Variants in HECW1 observed in about 807,000 individuals in gnomAD.
HECW1 encodes HECT, C2 and WW domain containing E3 ubiquitin protein ligase 1.
In HECW1, 61 loss-of-function variants were observed where a neutral mutation model predicts 182.3. The ratio of observed to expected loss-of-function variants is 0.33; its 90% CI spans 0.27 to 0.41. The LOEUF (loss-of-function observed/expected upper bound fraction) is 0.41. Ranked by LOEUF, HECW1 falls within the 10% of genes least tolerant of loss-of-function variation. The pLI is 1.00. For synonymous variants in HECW1, 859 were observed against 832.6 expected, an observed-to-expected ratio of 1.03 and a Z score of -0.55; for missense variants, 1,739 against 2,108.9, an observed-to-expected ratio of 0.82 and a Z score of 3.44.
At chr7:43,118,134 G>A (rs1785226488) in intron 2 of HECW1, 1 of 152,328 alleles carries the variant, frequency 6.6e-6, no homozygotes, top group Non-Finnish European at 1.5e-5. Flanking sequence ...TTCATTCGGG[G>A]TCCCTTTTAT....
intron 6 of HECW1, among the ~76,000 whole-genome samples, chr7:43,391,546 G>C (rs10253699): frequency 0.27 from 40,752 of 152,110 alleles, 5,623 homozygotes; most frequent in South Asian, 0.41. Flanking sequence ...GCTTTCCCCA[G>C]CCCCTTTGTT....
chr7:43,504,009 C>T (rs79652535), intron 21 of HECW1, among the ~76,000 whole-genome samples: 1,829 of 152,198 alleles, frequency 0.012, 19 homozygotes, highest in Non-Finnish European at 0.02. Context: ...CCCAGGTAGG[C>T]GGGGCCCCAA....
intron 2 of HECW1, among the ~76,000 whole-genome samples, chr7:43,129,928 G>A (rs934793923): frequency 5.3e-5 from 8 of 152,202 alleles, no homozygotes; most frequent in Admixed American, 3.9e-4. Context: ...TATTGTTTAG[G>A]GAGTAATGAC....
intron 5 of HECW1, among the ~76,000 whole-genome samples, chr7:43,343,622 T>C (rs1043721011): frequency 6.6e-6 from 1 of 151,818 alleles, no homozygotes. Flanking sequence ...CTGCATAGTA[T>C]TCCATGGTGT....
At chr7:43,248,149 GAAGA>G (rs1162616777) in intron 3 of HECW1, among the ~76,000 whole-genome samples, 1 of 152,026 alleles carries the variant, frequency 6.6e-6, no homozygotes, top group East Asian at 1.9e-4. Flanking sequence ...AGAGAAAGAA[GAAGA>G]AAGAGAGAGG....
intron 8 of HECW1, among the ~76,000 whole-genome samples, chr7:43,409,262 A>G (rs1274339768): frequency 6.6e-6 from 1 of 152,240 alleles, no homozygotes. Context: ...AAACACTGAT[A>G]GCACCGCTAG....
At chr7:43,123,425 T>G (rs1161901287) in intron 2 of HECW1, among the ~76,000 whole-genome samples, 1 of 152,314 alleles carries the variant, frequency 6.6e-6, no homozygotes, top group East Asian at 1.9e-4. Flanking sequence ...GAGAGACCAC[T>G]GCTGTAGGAA....
chr7:43,514,041 G>A (rs10241614), intron 24 of HECW1, among the ~76,000 whole-genome samples: 40,146 of 152,012 alleles, frequency 0.26, 5,364 homozygotes, highest in South Asian at 0.34. Context: ...ACCCAACCAT[G>A]AACCAGAGGA....
At chr7:43,350,521 A>G (rs1814294431) in intron 5 of HECW1, among the ~76,000 whole-genome samples, 1 of 152,058 alleles carries the variant, frequency 6.6e-6, no homozygotes, top group African/African-American at 2.4e-5. Flanking sequence ...TGGTCATTTA[A>G]CATAATCCCA....
chr7:43,393,255 G>A (rs1482330509), intron 6 of HECW1, among the ~76,000 whole-genome samples: 2 of 152,172 alleles, frequency 1.3e-5, no homozygotes, highest in Non-Finnish European at 2.9e-5. Context: ...ACAGAGCAAA[G>A]GGAGCTTGTC....
chr7:43,115,087 C>T (rs1247497824), intron 2 of HECW1, among the ~76,000 whole-genome samples: 2 of 152,164 alleles, frequency 1.3e-5, no homozygotes, highest in East Asian at 1.9e-4. Context: ...TGGTTTCTAT[C>T]GTTCTTTCTA....
intron 3 of HECW1, among the ~76,000 whole-genome samples, chr7:43,269,818 A>G (rs1802187536): frequency 1.3e-5 from 2 of 152,170 alleles, no homozygotes; most frequent in South Asian, 4.1e-4. Flanking sequence ...ACAATTGGCA[A>G]TGTCTGGAGG....
intron 2 of HECW1, among the ~76,000 whole-genome samples, chr7:43,220,952 C>T (rs1456706883): frequency 1.3e-5 from 2 of 152,178 alleles, no homozygotes; most frequent in African/African-American, 4.8e-5. Context: ...AGAAGGAAGC[C>T]ATTAGAAATG....
At chr7:43,437,981 G>A in intron 8 of HECW1, 22 bp from the exon 9 acceptor site, 1 of 1,612,850 alleles carries the variant, frequency 6.2e-7, no homozygotes, top group Non-Finnish European at 8.5e-7. Flanking sequence ...GTTAATTGAT[G>A]TGACATATTC....
chr7:43,228,322 C>T (rs1259712950), intron 2 of HECW1, among the ~76,000 whole-genome samples: 1 of 140,640 alleles, frequency 7.1e-6, no homozygotes, highest in Non-Finnish European at 1.5e-5. Flanking sequence ...CTCATCTCTA[C>T]AAAATCAAAA....
intron 2 of HECW1, among the ~76,000 whole-genome samples, chr7:43,168,259 T>C (rs1791328157): frequency 2.0e-5 from 3 of 152,176 alleles, no homozygotes; most frequent in Admixed American, 2.0e-4. Context: ...ATGTTCAGCC[T>C]GTGTGAGAGA....
At chr7:43,286,683 C>CA (rs534418965) in intron 3 of HECW1, among the ~76,000 whole-genome samples, 80 of 152,192 alleles carry the variant, frequency 5.3e-4, no homozygotes, top group African/African-American at 1.9e-3. Context: ...CCCACCCCCC[C>CA]AAAGGTGTTT....
rs532717307 is a variant in HECW1, at chr7:43,371,024, A to G, written c.555+10044A>G. On this transcript the variant is annotated intron_variant, in intron 6 of 29. Transcript: ENST00000395891. Reference sequence around the variant, plus strand: ...TGCCTCAGCCTCCCGAGTAGCTGGGACTACAGGTGCCCGCCACCACGTCTG... The same window carrying G: ...TGCCTCAGCCTCCCGAGTAGCTGGGGCTACAGGTGCCCGCCACCACGTCTG... Among the ~76,000 whole-genome samples, 9 of 151,612 alleles carry G rather than the reference A, an allele frequency of 5.9e-5. No homozygotes were observed. The East Asian group carries it at 1.4e-3, about 23-fold the overall frequency.
intron 2 of HECW1, among the ~76,000 whole-genome samples, chr7:43,185,048 TG>T (rs1454570640): frequency 1.3e-5 from 2 of 151,988 alleles, no homozygotes. Flanking sequence ...CCTCCAACAT[TG>T]GGGATTACAC....
Sources: allele counts gnomAD v4.1 joint callset (sites outside exome capture counted in the v4.1 genomes callset), GRCh38; gene constraint gnomAD v4.1.1; transcripts MANE v1.5; gene names NCBI Gene and HGNC (gene_info 2026-07-23, HGNC 2026-07-21).